SPRED1: variants seen among roughly 807,000 people sequenced by gnomAD.
The protein encoded by SPRED1 is sprouty related EVH1 domain containing 1, also known as sprouty-related, EVH1 domain-containing protein 1.
Under a neutral mutation model 52.3 loss-of-function variants are expected in SPRED1, and 18 were observed. That is an observed-to-expected ratio of 0.34 (90% confidence interval 0.24 to 0.51). The LOEUF (loss-of-function observed/expected upper bound fraction) is 0.51, where lower values mean the gene tolerates loss of function less well. SPRED1 is among the 20% of genes least tolerant of loss of function. The probability of loss-of-function intolerance (pLI) is 0.97; values close to 1 mark genes in which losing one functional copy is unlikely to be tolerated. For missense variants in SPRED1, 485 were observed against 551.0 expected, an observed-to-expected ratio of 0.88 and a Z score of 1.20; for synonymous variants, 155 against 179.7, an observed-to-expected ratio of 0.86 and a Z score of 1.10.
At chr15:38,264,481 G>T (rs1480487405) in intron 1 of SPRED1, among the ~76,000 whole-genome samples, 2 of 152,212 alleles carry the variant, frequency 1.3e-5, no homozygotes, top group African/African-American at 4.8e-5. Flanking sequence ...TAGAACAATG[G>T]CTCCAGAGTG....
At chr15:38,301,805 T>C (rs768044691) in intron 2 of SPRED1, among the ~76,000 whole-genome samples, 2 of 152,198 alleles carry the variant, frequency 1.3e-5, no homozygotes, top group Non-Finnish European at 2.9e-5. Context: ...ATTTCTGTAG[T>C]CATTGATTTT....
chr15:38,305,202 G>C (rs1159763989), intron 2 of SPRED1, among the ~76,000 whole-genome samples: 3 of 151,952 alleles, frequency 2.0e-5, no homozygotes, highest in Non-Finnish European at 4.4e-5. Context: ...CATGGGGGCA[G>C]ACACCTGTAA....
intron 2 of SPRED1, among the ~76,000 whole-genome samples, chr15:38,314,212 T>G (rs1895424351): frequency 6.6e-6 from 1 of 151,820 alleles, no homozygotes; most frequent in African/African-American, 2.4e-5. Context: ...GTTTTAATGG[T>G]GATATTCAAA....
intron 4 of SPRED1, among the ~76,000 whole-genome samples, chr15:38,332,839 A>G (rs1388902661): frequency 2.0e-5 from 3 of 152,188 alleles, no homozygotes; most frequent in African/African-American, 7.2e-5. Flanking sequence ...GCTTATAAAC[A>G]AAAGTAATTT....
intron 1 of SPRED1, among the ~76,000 whole-genome samples, chr15:38,281,416 G>A (rs1471058747): frequency 4.0e-5 from 6 of 151,886 alleles, no homozygotes; most frequent in African/African-American, 1.5e-4. Flanking sequence ...TTTTGAGACG[G>A]GAGTCTCTGT....
At position 38,351,914 on chromosome 15, in the gene SPRED1, A is replaced by G. The variant is rs547722924; in HGVS notation, c.*250A>G. 8.9e-5 allele frequency: 51 copies of G among 571,496 alleles called. No individual in the cohort carries two copies. The highest frequency in any genetic ancestry group is 4.8e-4 in the Middle Eastern group (1 of 2,080). The allele number at this position is 571,496 out of a possible 1,614,324, so 35.4% of individuals were successfully genotyped here. A position where few individuals can be genotyped will look rare whatever the true frequency, so the allele number is the denominator to read the frequency against. On this transcript the variant is annotated 3_prime_UTR_variant, in exon 7 of 7. Transcript: ENST00000299084. ...AACCATTTCTGGTTATTTGGCTATA[A>G]AAAGTCAGCATAAAATATGATCCAA...
At chr15:38,291,551 C>T (rs948649801) in intron 1 of SPRED1, among the ~76,000 whole-genome samples, 20 of 152,256 alleles carry the variant, frequency 1.3e-4, no homozygotes, top group Non-Finnish European at 2.4e-4. Context: ...TTTGCCTGGG[C>T]ATCCAGGTGT....
intron 2 of SPRED1, among the ~76,000 whole-genome samples, chr15:38,316,414 ATCT>A (rs1477456794): frequency 2.6e-5 from 4 of 152,046 alleles, no homozygotes; most frequent in Admixed American, 6.6e-5. Context: ...AGACTTTAAG[ATCT>A]TCTTAAAATA....
At chr15:38,303,070 G>A (rs886824796) in intron 2 of SPRED1, among the ~76,000 whole-genome samples, 1 of 152,130 alleles carries the variant, frequency 6.6e-6, no homozygotes, top group African/African-American at 2.4e-5. Context: ...TGTAGTCCCA[G>A]CTACTCAGGA....
At chr15:38,253,413 TC>T (rs780527894) in intron 1 of SPRED1, among the ~76,000 whole-genome samples, 196 bp downstream of exon 1, 1 of 152,080 alleles carries the variant, frequency 6.6e-6, no homozygotes, top group Non-Finnish European at 1.5e-5. Context: ...TTAGCTGCTT[TC>T]TTTTGGGGTA....
chr15:38,256,211 A>G (rs2056500), intron 1 of SPRED1, among the ~76,000 whole-genome samples: 6,278 of 152,242 alleles, frequency 0.041, 440 homozygotes, highest in African/African-American at 0.14. Flanking sequence ...AATAGTAAAC[A>G]TACTCTAGAG....
chr15:38,293,578 C>T (rs145986181), intron 1 of SPRED1, among the ~76,000 whole-genome samples: 13 of 152,248 alleles, frequency 8.5e-5, no homozygotes, highest in African/African-American at 2.9e-4. Context: ...GAAATATCTC[C>T]TTCATTAGGG....
chr15:38,334,891 A>AT (rs71129335), intron 4 of SPRED1, among the ~76,000 whole-genome samples: 28 of 149,206 alleles, frequency 1.9e-4, no homozygotes, highest in African/African-American at 6.1e-4. Context: ...AAAAGTACGG[A>AT]TTTTTTTTTT....
chr15:38,337,850 AT>A (rs1895951176), intron 4 of SPRED1, among the ~76,000 whole-genome samples: 2 of 151,904 alleles, frequency 1.3e-5, no homozygotes, highest in Non-Finnish European at 2.9e-5. Flanking sequence ...CCTAAAACTT[AT>A]GATTGTTTAT....
At chr15:38,346,909 T>A (rs554792467) in intron 5 of SPRED1, among the ~76,000 whole-genome samples, 2 of 152,320 alleles carry the variant, frequency 1.3e-5, no homozygotes, top group African/African-American at 4.8e-5. Context: ...AAATGGATTT[T>A]AACTGCATGC....
intron 1 of SPRED1, among the ~76,000 whole-genome samples, chr15:38,281,559 ATTTTTTTTTT>A (rs542005244): frequency 9.9e-6 from 1 of 100,742 alleles, no homozygotes; most frequent in East Asian, 3.6e-4. Flanking sequence ...TGCCCATCTA[ATTTTTTTTTT>A]TTTTTTTTTT....
Position 38,355,865 on chromosome 15 carries a change from AAC to A in SPRED1, c.*4203_*4204del, listed in dbSNP as rs1329003489. On this transcript the variant is annotated 3_prime_UTR_variant, in exon 7 of 7. Transcript: ENST00000299084. ...CCATGAGGTGTTTTGCAATGAGACA[AAC>A]ATGAAGAATGAATTTCTTTAAGAGA... is the stretch of plus-strand genomic sequence containing the variant. 6.6e-6 allele frequency: 1 copy of A among 152,222 alleles called. No homozygotes were observed. The highest frequency in any genetic ancestry group is 1.5e-5 in the Non-Finnish European group (1 of 68,030). The allele number at this position is 152,222 out of a possible 1,614,324, so 9.4% of individuals were successfully genotyped here.
intron 5 of SPRED1, among the ~76,000 whole-genome samples, chr15:38,347,532 A>C (rs926919708): frequency 6.9e-6 from 1 of 145,982 alleles, no homozygotes; most frequent in Non-Finnish European, 1.5e-5. Context: ...CAGCTTGTCA[A>C]ATCTGATGAA....
intron 5 of SPRED1, among the ~76,000 whole-genome samples, chr15:38,342,478 T>A (rs1178006214): frequency 6.6e-6 from 1 of 152,116 alleles, no homozygotes; most frequent in Admixed American, 6.5e-5. Flanking sequence ...TTTTTATGAC[T>A]TTTGACATTC....
Sources: allele counts gnomAD v4.1 joint callset (sites outside exome capture counted in the v4.1 genomes callset), GRCh38; gene constraint gnomAD v4.1.1; transcripts MANE v1.5; gene names NCBI Gene and HGNC (gene_info 2026-07-23, HGNC 2026-07-21).